The following SYT7 variants were observed in gnomAD, a reference collection of about 807,000 sequenced individuals.
The protein encoded by SYT7 is synaptotagmin-7.
In SYT7, 29 loss-of-function variants were observed where a neutral mutation model predicts 75.1. The observed-to-expected ratio is 0.39, with a 90% confidence interval of 0.29 to 0.53. The LOEUF (loss-of-function observed/expected upper bound fraction) is 0.53. SYT7 is among the 20% of genes least tolerant of loss of function. The probability of loss-of-function intolerance (pLI) is 0.77; values close to 1 mark genes in which losing one functional copy is unlikely to be tolerated. For missense variants in SYT7, 693 were observed against 953.2 expected (o/e 0.73, Z 3.59); for synonymous variants, 376 against 401.7 (o/e 0.94, Z 0.76).
At chr11:61,520,673 A>C (rs188262688) in intron 12 of SYT7, among the ~76,000 whole-genome samples, 1 of 152,198 alleles carries the variant, frequency 6.6e-6, no homozygotes, top group Non-Finnish European at 1.5e-5. Context: ...AAATACAAAA[A>C]TTATCCCAGC....
rs1466911430 is a variant in SYT7 at position 61,551,307 on chromosome 11, G to A, written c.215+77C>T. 2 of 1,365,528 alleles carry A rather than the reference G, an allele frequency of 1.5e-6. No individual in the cohort carries two copies. Among genetic ancestry groups the A allele is most frequent in the South Asian group, 1.2e-5 (1 of 84,562 alleles). The allele number at this position is 1,365,528 out of a possible 1,614,324, so 84.6% of individuals were successfully genotyped here. ...TGAAAGTGTGTGGTCAGGTCTGTGG[G>A]GCTGGGGGAGAGAAGGGGCTCCTCC... On this transcript the variant is annotated intron_variant, in intron 3 of 12. Transcript: ENST00000539008. This position sits in a 1 kb window ranked among gnomAD's most constrained non-coding sequence, Gnocchi z 5.3.
chr11:61,516,961 G>T lies in SYT7; in HGVS notation c.*1666C>A, dbSNP rs2062162405. The T allele has an allele frequency of 2.3e-5, 7 of 300,734 alleles. No individual in the cohort carries two copies. In the East Asian group the frequency reaches 3.7e-4, roughly 16 times the overall value. 18.6% of individuals were successfully genotyped at this position (300,734 alleles called of 1,614,324 possible). On this transcript the variant is annotated 3_prime_UTR_variant, in exon 13 of 13. Coordinates refer to ENST00000539008, the MANE Select transcript of SYT7 (RefSeq NM_001365809.2). The surrounding 1 kb of genome is among the most constrained non-coding windows in gnomAD (Gnocchi z 4.6). ...AGGGGAAGCCGTTCGAAGGAAAATG[G>T]TTCCCAAATGCCAATGGTCTCCCCA...
At chr11:61,581,087 G>GTGTGTGTGCGTACGAGGCCGTGTGTA, upstream of SYT7, 1 of 297,310 alleles carries the variant, frequency 3.4e-6, no homozygotes, top group Non-Finnish European at 4.9e-6. Flanking sequence ...GCGCCGGAGC[G>GTGTGTGTGCGTACGAGGCCGTGTGTA]TGTGTGTGTG....
At chr11:61,569,904 G>T (rs2135419912) in intron 1 of SYT7, among the ~76,000 whole-genome samples, 1 of 152,304 alleles carries the variant, frequency 6.6e-6, no homozygotes, top group East Asian at 1.9e-4. Context: ...CTCCTACGCA[G>T]CCACAGGTGC....
rs1395592101 is a variant in SYT7 at position 61,542,513 on chromosome 11, C to T, written c.639G>A (p.Pro213=). ...TCAGGGTGCGGGGTCGCTGGCATTTCGGCTCTCCCGTGGAGCTGGGGATAG... is the reference window on the plus strand; with the variant it reads ...TCAGGGTGCGGGGTCGCTGGCATTTTGGCTCTCCCGTGGAGCTGGGGATAG... ...LESIPSSTGE[P]KCQRPRTLMR... Residue 213 remains proline (P), a synonymous_variant, in exon 6 of 13, where the codon CCG becomes CCA. Transcript: ENST00000539008. This position sits in a 1 kb window ranked among gnomAD's most constrained non-coding sequence, Gnocchi z 7.8. 19 of 1,531,708 alleles carry T rather than the reference C, an allele frequency of 1.2e-5. No homozygotes were observed. Among genetic ancestry groups the T allele is most frequent in the Admixed American group, 5.9e-5 (3 of 50,860 alleles). The allele number at this position is 1,531,708 out of a possible 1,614,324, so 94.9% of individuals were successfully genotyped here.
At position 61,542,121 on chromosome 11, in the gene SYT7, T is replaced by C; in HGVS notation, c.941+90A>G. On this transcript the variant is annotated intron_variant, in intron 6 of 12. Coordinates refer to ENST00000539008, the MANE Select transcript of SYT7 (RefSeq NM_001365809.2). The surrounding 1 kb of genome is among the most constrained non-coding windows in gnomAD (Gnocchi z 7.8). Reference sequence around the variant, plus strand: ...GCCAAGGGGATGGAGGGCCGGGAGGTACACACAACCAGCTGCTCCCAAGGA... The same window carrying C: ...GCCAAGGGGATGGAGGGCCGGGAGGCACACACAACCAGCTGCTCCCAAGGA... 1.4e-6 allele frequency: 2 copies of C among 1,448,724 alleles called. No homozygotes were observed. Among genetic ancestry groups the C allele is most frequent in the Non-Finnish European group, 1.8e-6 (2 of 1,101,978 alleles). 89.7% of individuals were successfully genotyped at this position (1,448,724 alleles called of 1,614,324 possible).
At chr11:61,531,471 T>C (rs2062707359) in intron 8 of SYT7, among the ~76,000 whole-genome samples, 1 of 147,446 alleles carries the variant, frequency 6.8e-6, no homozygotes, top group Non-Finnish European at 1.5e-5. Flanking sequence ...GGGGGGAAGA[T>C]GGAAGGAGGG....
intron 9 of SYT7, 52 bp downstream of exon 9, chr11:61,527,862 GA>G: frequency 6.3e-7 from 1 of 1,596,992 alleles, no homozygotes; most frequent in Non-Finnish European, 8.5e-7. Flanking sequence ...TGGGTAGGGG[GA>G]TGGTAGACAG....
At chr11:61,547,107 G>A in intron 4 of SYT7, 70 bp downstream of exon 4, 1 of 1,502,486 alleles carries the variant, frequency 6.7e-7, no homozygotes, top group East Asian at 2.5e-5. Flanking sequence ...GGTGGGTGGG[G>A]GCAGGAGGAG....
Position 61,546,582 on chromosome 11 carries a change from G to A in SYT7, c.348-327C>T. On this transcript the variant is annotated intron_variant, in intron 4 of 12. Coordinates refer to ENST00000539008, the MANE Select transcript of SYT7 (RefSeq NM_001365809.2). The surrounding 1 kb of genome is among the most constrained non-coding windows in gnomAD (Gnocchi z 7.6). ...CTCCCCACCGCCTGGGGCAGGGGCG[G>A]CGGGGGTTGGGGGAGGGCAGCCACC... is the stretch of plus-strand genomic sequence containing the variant. The A allele has an allele frequency of 2.1e-6, 1 of 485,216 alleles. No individual in the cohort carries two copies. Among genetic ancestry groups the A allele is most frequent in the Admixed American group, 2.4e-5 (1 of 41,982 alleles). The allele number at this position is 485,216 out of a possible 1,614,324, so 30.1% of individuals were successfully genotyped here. A position where few individuals can be genotyped will look rare whatever the true frequency, so the allele number is the denominator to read the frequency against.
At chr11:61,540,722 G>A in intron 6 of SYT7, 3 of 985,512 alleles carry the variant, frequency 3.0e-6, no homozygotes, top group Non-Finnish European at 3.6e-6. Flanking sequence ...TAGGGTGACA[G>A]CTGTGATAAG....
chr11:61,556,387 G>A lies in SYT7; in HGVS notation c.32-180C>T, dbSNP rs552762371. On this transcript the variant is annotated intron_variant, in intron 1 of 12. Transcript: ENST00000539008. ...TGAACTTGGGTAGTTTCCTCTCTGT[G>A]TGCCTCAGTTTCCTCATCTGTAAAA... is the stretch of plus-strand genomic sequence containing the variant. 2.0e-5 allele frequency among the ~76,000 whole-genome samples: 3 copies of A among 152,322 alleles called. No homozygotes were observed. In the South Asian group the frequency reaches 6.2e-4, roughly 32 times the overall value.
At chr11:61,527,853 G>A (rs1353474575) in intron 9 of SYT7, 62 bp downstream of exon 9, 2 of 1,583,944 alleles carry the variant, frequency 1.3e-6, no homozygotes, top group East Asian at 2.2e-5. Flanking sequence ...AAGTGTGGTT[G>A]GGTAGGGGGA....
intron 8 of SYT7, among the ~76,000 whole-genome samples, chr11:61,528,770 G>A (rs2062610195): frequency 6.6e-6 from 1 of 152,154 alleles, no homozygotes; most frequent in Non-Finnish European, 1.5e-5. Flanking sequence ...GAATCACTAG[G>A]GACAAGAAAA....
Position 61,524,056 on chromosome 11 carries a change from T to G in SYT7, c.1642-115A>C, listed in dbSNP as rs2062432359. 6.4e-6 allele frequency: 6 copies of G among 938,524 alleles called. No individual in the cohort carries two copies. The highest frequency in any genetic ancestry group is 1.0e-5 in the Non-Finnish European group (6 of 597,812). 58.1% of individuals were successfully genotyped at this position (938,524 alleles called of 1,614,324 possible). A position where few individuals can be genotyped will look rare whatever the true frequency, so the allele number is the denominator to read the frequency against. ...CTTGGTGCTTACCCATGCCCCTGTC[T>G]GTCACCTCTGTCTCACTCTGTCTCC... On this transcript the variant is annotated intron_variant, in intron 10 of 12. Transcript: ENST00000539008. This position sits in a 1 kb window ranked among gnomAD's most constrained non-coding sequence, Gnocchi z 4.1.
rs550361667 is a variant in SYT7 at position 61,528,896 on chromosome 11, G to T, written c.1201-711C>A. ...TGACTGTACCGTCCATGGGGGCTGAGGACTGCTGGGAGGGAGGGCGCATGG... is the reference window on the plus strand; with the variant it reads ...TGACTGTACCGTCCATGGGGGCTGATGACTGCTGGGAGGGAGGGCGCATGG... On this transcript the variant is annotated intron_variant, in intron 8 of 12. Coordinates refer to ENST00000539008, the MANE Select transcript of SYT7 (RefSeq NM_001365809.2). Among the ~76,000 whole-genome samples, 72 of 152,280 alleles carry T rather than the reference G, an allele frequency of 4.7e-4. 1 individual carries two copies. The highest frequency in any genetic ancestry group is 1.6e-3 in the African/African-American group (65 of 41,544).
chr11:61,522,873 C>T (rs2062388814), intron 12 of SYT7, among the ~76,000 whole-genome samples: 1 of 152,182 alleles, frequency 6.6e-6, no homozygotes, highest in African/African-American at 2.4e-5. Context: ...CATAGGAGGA[C>T]ACTCAGAGAG....
rs1590804095 is a variant in SYT7, at chr11:61,517,357, C to T, written c.*1270G>A. 1 of 398,678 alleles carries T rather than the reference C, an allele frequency of 2.5e-6. No homozygotes were observed. Among genetic ancestry groups the T allele is most frequent in the East Asian group, 3.6e-5 (1 of 28,074 alleles). 24.7% of individuals were successfully genotyped at this position (398,678 alleles called of 1,614,324 possible). A position where few individuals can be genotyped will look rare whatever the true frequency, so the allele number is the denominator to read the frequency against. On this transcript the variant is annotated 3_prime_UTR_variant, in exon 13 of 13. Transcript: ENST00000539008. ...TCACAGAATCCTGGTCTTTTCCCTG[C>T]CTCCTTTCCCTGCACTGTGAGTGAG...
the SYT7 span, among the ~76,000 whole-genome samples, chr11:61,588,204 C>T: frequency 2.0e-5 from 3 of 152,148 alleles, no homozygotes; most frequent in Non-Finnish European, 4.4e-5. Flanking sequence ...CTGCTGGGCT[C>T]CTTGGTTCTG....
Sources: allele counts gnomAD v4.1 joint callset (sites outside exome capture counted in the v4.1 genomes callset), GRCh38; gene constraint gnomAD v4.1.1; non-coding constraint Gnocchi (gnomAD v3.1); transcripts MANE v1.5; gene names NCBI Gene and HGNC (gene_info 2026-07-23, HGNC 2026-07-21).